PMFBP1: variants seen among roughly 807,000 people sequenced by gnomAD.
PMFBP1 encodes the protein polyamine-modulated factor 1-binding protein 1.
A neutral mutation model predicts 137.8 loss-of-function variants in PMFBP1; 131 were observed. The ratio of observed to expected loss-of-function variants is 0.95; its 90% CI spans 0.82 to 1.10. The LOEUF (loss-of-function observed/expected upper bound fraction) is 1.10. PMFBP1 is among the 50% of genes least tolerant of loss of function. PMFBP1 has a pLI of 0.00. For missense variants in PMFBP1, 1,199 were observed against 1,175.4 expected (o/e 1.02, Z -0.29); for synonymous variants, 490 against 450.4 (o/e 1.09, Z -1.11).
the PMFBP1 span, among the ~76,000 whole-genome samples, chr16:72,195,483 C>T: frequency 3.9e-5 from 6 of 152,168 alleles, no homozygotes; most frequent in Non-Finnish European, 7.3e-5. Context: ...AACCCAGCCC[C>T]GCTTTAACCT....
chr16:72,163,188 CTTT>C (rs376704097), intron 3 of PMFBP1, among the ~76,000 whole-genome samples: 3 of 152,306 alleles, frequency 2.0e-5, no homozygotes, highest in African/African-American at 7.2e-5. Context: ...CTAGGACCTT[CTTT>C]ATGTTTACCG....
At chr16:72,190,635 G>A in the PMFBP1 span, among the ~76,000 whole-genome samples, 14 of 152,162 alleles carry the variant, frequency 9.2e-5, no homozygotes, top group African/African-American at 2.4e-4. Context: ...CCTAGCTTGG[G>A]GTCAGAGGCA....
chr16:72,225,710 A>AT, the PMFBP1 span, among the ~76,000 whole-genome samples: 9,298 of 57,712 alleles, frequency 0.16, 584 homozygotes, highest in Admixed American at 0.35. Context: ...GAGACTGTTT[A>AT]TAATAATAAT....
At chr16:72,235,152 A>C in the PMFBP1 span, among the ~76,000 whole-genome samples, 1 of 152,002 alleles carries the variant, frequency 6.6e-6, no homozygotes, top group African/African-American at 2.4e-5. Context: ...TTTTCTTCTG[A>C]GATTTTTATA....
chr16:72,148,613 C>T (rs899695249), intron 5 of PMFBP1, among the ~76,000 whole-genome samples: 1 of 151,908 alleles, frequency 6.6e-6, no homozygotes, highest in African/African-American at 2.4e-5. Context: ...AAAATATTTG[C>T]CACATATGTA....
Position 72,128,706 on chromosome 16 carries a change from A to G in PMFBP1, c.2039T>C (p.Leu680Pro). Residue 680 changes from leucine (L) to proline (P), a missense_variant, in exon 14 of 21, where the codon CTC (leucine) becomes CCC (proline). Leu to Pro is a moderately conservative substitution (Grantham distance 98). Transcript: ENST00000237353. ...TTGCTGGCTGGTGTTGTATTTGTTG[A>G]GAGAGGATTCCAGTTGTGTAGAACA... ...QCCSTQLESS[L>P]NKYNTSQQVI... 1.2e-6 allele frequency: 2 copies of G among 1,614,138 alleles called. No homozygotes were observed. Among genetic ancestry groups the G allele is most frequent in the Non-Finnish European group, 1.7e-6 (2 of 1,180,024 alleles).
the PMFBP1 span, among the ~76,000 whole-genome samples, chr16:72,233,643 C>T: frequency 6.6e-6 from 1 of 152,090 alleles, no homozygotes; most frequent in Non-Finnish European, 1.5e-5. Context: ...ATGTACACAA[C>T]GTGTACAGAG....
intron 19 of PMFBP1, among the ~76,000 whole-genome samples, chr16:72,120,683 G>A (rs1038898041): frequency 2.6e-5 from 4 of 152,278 alleles, no homozygotes; most frequent in East Asian, 1.9e-4. Flanking sequence ...CGCATTCCCC[G>A]TGGCTCAATA....
chr16:72,192,553 G>A, the PMFBP1 span, among the ~76,000 whole-genome samples: 1 of 152,070 alleles, frequency 6.6e-6, no homozygotes, highest in Admixed American at 6.6e-5. Context: ...TTTATTCTAA[G>A]GGAAGAATAG....
At chr16:72,129,768 A>T (rs956338344) in intron 12 of PMFBP1, among the ~76,000 whole-genome samples, 4 of 152,232 alleles carry the variant, frequency 2.6e-5, no homozygotes, top group African/African-American at 7.2e-5. Flanking sequence ...TGGCTGGCTT[A>T]GCATACTAAC....
the PMFBP1 span, among the ~76,000 whole-genome samples, chr16:72,222,128 T>A: frequency 1.3e-5 from 2 of 151,668 alleles, no homozygotes; most frequent in Non-Finnish European, 1.5e-5. Context: ...CCTGGTGGGG[T>A]TTTTTGGTTT....
In PMFBP1 at chr16:72,121,734, C is replaced by G. The variant is rs8060737; in HGVS notation, c.2768+1180G>C. Among the ~76,000 whole-genome samples, 1,173 of 152,262 alleles carry G rather than the reference C, an allele frequency of 7.7e-3. 13 individuals are homozygous for G. The highest frequency in any genetic ancestry group is 0.027 in the African/African-American group (1,108 of 41,544). ...CAACCTCTTGGGCTCAAGCAATCCT[C>G]CCACCCCAGCCTCCCAATTAGCTGG... On this transcript the variant is annotated intron_variant, in intron 19 of 20. Transcript: ENST00000237353.
chr16:72,236,301 T>C, the PMFBP1 span, among the ~76,000 whole-genome samples: 5 of 152,208 alleles, frequency 3.3e-5, no homozygotes, highest in African/African-American at 1.2e-4. Flanking sequence ...GCAGATCATG[T>C]ACTTAATGAA....
chr16:72,124,504 A>G (rs1019523239), intron 17 of PMFBP1, among the ~76,000 whole-genome samples: 3 of 152,250 alleles, frequency 2.0e-5, no homozygotes, highest in Admixed American at 2.0e-4. Context: ...CCAGTGGACT[A>G]GGTCAGGGGT....
intron 2 of PMFBP1, among the ~76,000 whole-genome samples, chr16:72,170,647 G>T (rs2043208110): frequency 1.3e-5 from 2 of 152,042 alleles, no homozygotes; most frequent in African/African-American, 4.8e-5. Context: ...GCCCAGGCTG[G>T]TCTTAAACTC....
intron 1 of PMFBP1, chr16:72,171,610 T>G (rs2043221426): frequency 5.4e-6 from 1 of 186,610 alleles, no homozygotes; most frequent in African/African-American, 2.3e-5. Context: ...ATGTACTTAT[T>G]ATGAACCAGA....
chr16:72,236,842 A>G, the PMFBP1 span, among the ~76,000 whole-genome samples: 1 of 152,238 alleles, frequency 6.6e-6, no homozygotes, highest in African/African-American at 2.4e-5. Context: ...AGTGATATGT[A>G]TAGTACTTTC....
At position 72,129,181 on chromosome 16, in the gene PMFBP1, G is replaced by T. The variant is rs764072056; in HGVS notation, c.1835C>A (p.Ala612Asp). 6.2e-7 allele frequency: 1 copy of T among 1,613,904 alleles called. No homozygotes were observed. Among genetic ancestry groups the T allele is most frequent in the African/African-American group, 1.3e-5 (1 of 74,922 alleles). ...KCKLEEDLQE[A>D]TKLLEDKREQ... ...CCGTTTGTCCTCCAGAAGCTTTGTG[G>T]CCTCCTGAAGATCTTCTTCTAACTT... Residue 612 changes from alanine to aspartate, a missense_variant, in exon 13 of 21, where the codon GCC becomes GAC. Ala to Asp is a moderately radical substitution (Grantham distance 126, BLOSUM62 -2). Transcript: ENST00000237353.
At chr16:72,175,236 G>A (rs576397177), upstream of PMFBP1, among the ~76,000 whole-genome samples, 1 of 152,248 alleles carries the variant, frequency 6.6e-6, no homozygotes, top group East Asian at 1.9e-4. Context: ...ATCTCACCAG[G>A]GTCTAATTCT....
Sources: gnomAD v4.1 joint callset for allele counts (sites outside exome capture counted in the v4.1 genomes callset) on GRCh38, gnomAD v4.1.1 for gene constraint, MANE v1.5 for transcripts, NCBI Gene and HGNC (gene_info 2026-07-23, HGNC 2026-07-21) for gene names.